The following DRC7 variants were observed in gnomAD, a reference collection of about 807,000 sequenced individuals.
The protein encoded by DRC7 is coiled-coil domain containing 135.
A neutral mutation model predicts 104.4 loss-of-function variants in DRC7; 80 were observed. The observed-to-expected ratio is 0.77, with a 90% CI of 0.64 to 0.92. DRC7 has a LOEUF of 0.92. Ranked by LOEUF, DRC7 falls within the 40% of genes least tolerant of loss-of-function variation. The pLI, the probability that DRC7 is intolerant of heterozygous loss-of-function variation, is 0.00. For synonymous variants in DRC7, 405 were observed against 447.3 expected (o/e 0.91, Z 1.19); for missense variants, 1,034 against 1,141.1 (o/e 0.91, Z 1.35).
intron 7 of DRC7, 99 bp downstream of exon 7, chr16:57,705,133 A>AC (rs1404383392): frequency 7.3e-5 from 96 of 1,322,990 alleles, no homozygotes; most frequent in East Asian, 2.0e-4. Flanking sequence ...GTGTGTATGG[A>AC]CCCCCCAACT....
chr16:57,725,556 T>G (rs2048952813), intron 13 of DRC7: 1 of 156,866 alleles, frequency 6.4e-6, no homozygotes, highest in African/African-American at 2.4e-5. Context: ...AGTAAACATA[T>G]CTCAGAATGG....
chr16:57,718,541 C>T, intron 9 of DRC7, 66 bp downstream of exon 9: 1 of 1,582,832 alleles, frequency 6.3e-7, no homozygotes, highest in South Asian at 1.1e-5. Context: ...TGACAAGTGT[C>T]CCCAGCAGCA....
chr16:57,728,935 T>C (rs1227725682), intron 17 of DRC7, among the ~76,000 whole-genome samples: 6 of 148,284 alleles, frequency 4.0e-5, no homozygotes, highest in African/African-American at 1.5e-4. Context: ...CATGAACAGA[T>C]GGGTGGGTGG....
chr16:57,730,204 AATGGATGGATGGGTGG>A (rs1187553472), intron 17 of DRC7, among the ~76,000 whole-genome samples: 1 of 95,614 alleles, frequency 1.0e-5, no homozygotes, highest in Non-Finnish European at 2.1e-5. Context: ...TGGATGGATG[AATGGATGGATGGGTGG>A]ATGGATGGAT....
chr16:57,731,057 C>T lies in DRC7; in HGVS notation c.2518C>T (p.Gln840Ter), dbSNP rs1456270731. 1.2e-6 allele frequency: 2 copies of T among 1,613,620 alleles called. No individual in the cohort carries two copies. The highest frequency in any genetic ancestry group is 1.7e-6 in the Non-Finnish European group (2 of 1,179,958). The change falls in exon 18 of 19, where the codon CAG becomes TAG. Residue 840 changes from glutamine to a stop codon, truncating the protein, a stop_gained. Transcript: ENST00000360716. LOFTEE classifies it high-confidence loss of function. ...CATGTTCCGCATCCGCATCCTGGAGCAGCGCCTCAATCGGTGAGCAGGCAG... is the reference window on the plus strand; with the variant it reads ...CATGTTCCGCATCCGCATCCTGGAGTAGCGCCTCAATCGGTGAGCAGGCAG... ...QAMFRIRILE[Q>*]RLNRHKELAP...
At chr16:57,725,883 G>A in intron 13 of DRC7, 185 bp from the exon 14 acceptor site, 1 of 609,134 alleles carries the variant, frequency 1.6e-6, no homozygotes, top group Non-Finnish European at 3.0e-6. Context: ...TGGGAGTGGA[G>A]TGGCCTGGCC....
At chr16:57,706,653 T>C (rs1320939879) in intron 7 of DRC7, among the ~76,000 whole-genome samples, 23 of 61,436 alleles carry the variant, frequency 3.7e-4, no homozygotes, top group South Asian at 7.2e-4. Flanking sequence ...CTCCCATCCA[T>C]CCTCTCACCA....
At chr16:57,722,645 G>A in intron 10 of DRC7, 68 bp from the exon 11 acceptor site, 2 of 1,595,128 alleles carry the variant, frequency 1.3e-6, no homozygotes, top group Admixed American at 1.7e-5. Context: ...TGGATGAATG[G>A]CTGGGCGGGG....
intron 17 of DRC7, 74 bp downstream of exon 17, chr16:57,728,658 G>A (rs1368160986): frequency 3.2e-5 from 40 of 1,267,182 alleles, no homozygotes; most frequent in Middle Eastern, 5.3e-4. Flanking sequence ...ACGGCTGTCC[G>A]CCCACTACCT....
At chr16:57,721,216 GATA>G (rs1380211651) in intron 9 of DRC7, among the ~76,000 whole-genome samples, 7 of 151,948 alleles carry the variant, frequency 4.6e-5, no homozygotes, top group Non-Finnish European at 8.8e-5. Context: ...CATCTCAAAT[GATA>G]ATAATAATAA....
chr16:57,710,093 G>C (rs1327830995), intron 8 of DRC7, among the ~76,000 whole-genome samples: 5 of 152,108 alleles, frequency 3.3e-5, no homozygotes, highest in African/African-American at 1.2e-4. Context: ...AGATTATACT[G>C]GATCCATAGA....
At chr16:57,698,732 C>T (rs528104112) in intron 3 of DRC7, 118 bp from the exon 4 acceptor site, 2 of 924,368 alleles carry the variant, frequency 2.2e-6, no homozygotes, top group East Asian at 2.4e-5. Context: ...TGATACCTGC[C>T]TTCTCAGTAG....
rs144107253 is a variant in DRC7, at chr16:57,717,366, T to A, written c.1078-981T>A. On this transcript the variant is annotated intron_variant, in intron 8 of 18. Coordinates refer to ENST00000360716, the MANE Select transcript of DRC7 (RefSeq NM_001289162.2). Reference sequence around the variant, plus strand: ...CCTCCTGCCTCAGCCTCCCAAGTAGTCAGAACTACAGGTGCATAACACCAT... The same window carrying A: ...CCTCCTGCCTCAGCCTCCCAAGTAGACAGAACTACAGGTGCATAACACCAT... 4.2e-3 allele frequency among the ~76,000 whole-genome samples: 590 copies of A among 138,960 alleles called. 5 individuals carry two copies. The highest frequency in any genetic ancestry group is 5.0e-3 in the Non-Finnish European group (327 of 65,614). 91.2% of individuals were successfully genotyped at this position (138,960 alleles called of 152,430 possible).
At chr16:57,695,753 G>T (rs1285169923) in intron 1 of DRC7, among the ~76,000 whole-genome samples, 2 of 152,208 alleles carry the variant, frequency 1.3e-5, no homozygotes, top group African/African-American at 4.8e-5. Flanking sequence ...GAAAATATCT[G>T]CCCTCCCTTC....
At position 57,726,835 on chromosome 16, in the gene DRC7, G is replaced by A; in HGVS notation, c.1978G>A (p.Glu660Lys). The A allele has an allele frequency of 6.2e-7, 1 of 1,608,530 alleles. No individual in the cohort carries two copies. ...TPDMCISFEV[E>K]PMEHTKKLLY... The stretch of plus-strand genomic sequence containing the variant: ...ACTAAGGTGGTTGTTGTCCCAGGTG[G>A]AGCCCATGGAGCACACCAAGAAGCT... Residue 660 changes from glutamate (E) to lysine (K), a missense_variant, in exon 15 of 19, where the codon GAG becomes AAG. Glu to Lys is a moderately conservative substitution (Grantham distance 56). Transcript: ENST00000360716.
At position 57,728,554 on chromosome 16, in the gene DRC7, G is replaced by A. The variant is rs530965615; in HGVS notation, c.2361G>A (p.Lys787=). The A allele has an allele frequency of 1.2e-6, 2 of 1,608,326 alleles. No homozygotes were observed. Among genetic ancestry groups the A allele is most frequent in the African/African-American group, 1.3e-5 (1 of 74,826 alleles). The change falls in exon 17 of 19, where the codon AAG becomes AAA. Residue 787 remains lysine, a synonymous_variant. Transcript: ENST00000360716. ...ACTTCAAGCAGCGGCTCATCAACAA[G>A]GCCAACCTCATCCAGGCCCGCTTTG... is the stretch of plus-strand genomic sequence containing the variant. ...LSDFKQRLIN[K]ANLIQARFEK...
chr16:57,721,573 C>T lies in DRC7; in HGVS notation c.1207-94C>T, dbSNP rs953835608. 7 of 949,788 alleles carry T rather than the reference C, an allele frequency of 7.4e-6. No homozygotes were observed. In the South Asian group the frequency reaches 8.8e-5, roughly 12 times the overall value. 58.8% of individuals were successfully genotyped at this position (949,788 alleles called of 1,614,324 possible). A position where few individuals can be genotyped will look rare whatever the true frequency, so the allele number is the denominator to read the frequency against. On this transcript the variant is annotated intron_variant, in intron 9 of 18. Transcript: ENST00000360716. ...TGCGGAAGCCAACGGACCACCTTGG[C>T]TTGGCTCTGCAGGCAGAGACAGAGC... is the stretch of plus-strand genomic sequence containing the variant.
At chr16:57,715,473 G>C (rs993941826) in intron 8 of DRC7, among the ~76,000 whole-genome samples, 3 of 152,222 alleles carry the variant, frequency 2.0e-5, no homozygotes, top group Admixed American at 2.0e-4. Flanking sequence ...TTTGCCGGTT[G>C]CTCTGTCTTT....
chr16:57,723,713 T>C (rs1435502943), intron 12 of DRC7, among the ~76,000 whole-genome samples: 2 of 144,996 alleles, frequency 1.4e-5, no homozygotes, highest in Non-Finnish European at 3.0e-5. Context: ...GGGTGACAGA[T>C]AGAGATCCTG....
Sources: gnomAD v4.1 joint callset for allele counts (sites outside exome capture counted in the v4.1 genomes callset) on GRCh38, gnomAD v4.1.1 for gene constraint, MANE v1.5 for transcripts, NCBI Gene and HGNC (gene_info 2026-07-23, HGNC 2026-07-21) for gene names.